Variants in UTP4 observed in about 807,000 individuals in gnomAD.
UTP4 encodes UTP4 small subunit processome component, also known as U3 small nucleolar RNA-associated protein 4 homolog.
In UTP4, 45 loss-of-function variants were observed where a neutral mutation model predicts 82.4. The observed-to-expected ratio is 0.55, with a 90% CI of 0.43 to 0.70. UTP4 has a LOEUF of 0.70. Among genes scored for constraint, UTP4 ranks in the 30% least tolerant of loss-of-function variants. UTP4 has a pLI of 0.00. For missense variants in UTP4, 819 were observed against 858.3 expected (o/e 0.95, Z 0.57); for synonymous variants, 348 against 300.3 (o/e 1.16, Z -1.64).
chr16:69,157,041 G>T (rs768574108), intron 11 of UTP4, 43 bp from the exon 12 acceptor site: 31 of 1,608,496 alleles, frequency 1.9e-5, no homozygotes, highest in Non-Finnish European at 2.6e-5. Flanking sequence ...TGGGCTGTAG[G>T]TCTCCCTTCT....
chr16:69,160,531 G>T, intron 13 of UTP4, 69 bp downstream of exon 13: 1 of 1,113,904 alleles, frequency 9.0e-7, no homozygotes, highest in Non-Finnish European at 1.4e-6. Flanking sequence ...GCAGTTACAA[G>T]ATTCAAGGCA....
chr16:69,137,930 A>G, intron 4 of UTP4, 45 bp downstream of exon 4: 1 of 1,207,612 alleles, frequency 8.3e-7, no homozygotes, highest in Non-Finnish European at 1.2e-6. Flanking sequence ...TTAACAAGAA[A>G]TTAAGTTTCT....
chr16:69,138,573 C>T (rs939560278), intron 4 of UTP4, among the ~76,000 whole-genome samples: 3 of 152,174 alleles, frequency 2.0e-5, no homozygotes, highest in African/African-American at 7.2e-5. Context: ...CTGGTGCATT[C>T]AAGTTGAATG....
intron 5 of UTP4, 113 bp from the exon 6 acceptor site, chr16:69,143,065 C>T: frequency 9.2e-7 from 1 of 1,089,454 alleles, no homozygotes; most frequent in Admixed American, 1.7e-5. Flanking sequence ...ACTTCGTTGC[C>T]TAGGCTGGCC....
intron 6 of UTP4, among the ~76,000 whole-genome samples, chr16:69,148,380 A>G (rs1963176270): frequency 6.6e-6 from 1 of 151,638 alleles, no homozygotes; most frequent in African/African-American, 2.4e-5. Flanking sequence ...TACAGATGTG[A>G]GCCACTGCGC....
chr16:69,136,931 TGC>T, intron 3 of UTP4, 44 bp downstream of exon 3: 1 of 1,537,434 alleles, frequency 6.5e-7, no homozygotes, highest in Non-Finnish European at 9.0e-7. Flanking sequence ...ATTTCTCTCG[TGC>T]CTGCTCAGAC....
intron 15 of UTP4, chr16:69,166,131 C>T (rs1963697357): frequency 1.2e-5 from 2 of 171,866 alleles, no homozygotes; most frequent in Non-Finnish European, 1.3e-5. Flanking sequence ...TGTTTTGATT[C>T]ACCCTGAATT....
chr16:69,138,235 C>CTTT lies in UTP4; in HGVS notation c.436+363_436+365dup, dbSNP rs535515310. On this transcript the variant is annotated intron_variant, in intron 4 of 16. Transcript: ENST00000314423. The stretch of plus-strand genomic sequence containing the variant: ...ATTAGGAACTATGGTTCTTTTCTTT[C>CTTT]TTTTTTTTTTTTTTTCTGGAGGCAG... Among the ~76,000 whole-genome samples, 6 of 139,326 alleles carry CTTT rather than the reference C, an allele frequency of 4.3e-5. 1 individual carries two copies. The highest frequency in any genetic ancestry group is 5.3e-5 in the African/African-American group (2 of 37,768). 91.4% of individuals were successfully genotyped at this position (139,326 alleles called of 152,430 possible).
intron 3 of UTP4, 122 bp downstream of exon 3, chr16:69,137,009 T>C (rs1962830849): frequency 1.2e-6 from 1 of 845,172 alleles, no homozygotes; most frequent in Admixed American, 1.8e-5. Flanking sequence ...AACTATAAGA[T>C]TGGAATTGAT....
At chr16:69,165,729 C>T (rs1247234250) in intron 15 of UTP4, 12 of 650,416 alleles carry the variant, frequency 1.8e-5, no homozygotes, top group Non-Finnish European at 3.0e-5. Flanking sequence ...CTTCGGGAGG[C>T]TCTCGGGGAA....
chr16:69,155,619 G>C (rs1963389909), intron 10 of UTP4, among the ~76,000 whole-genome samples: 1 of 152,156 alleles, frequency 6.6e-6, no homozygotes, highest in South Asian at 2.1e-4. Context: ...TCTAGTATGA[G>C]GCTATCTATG....
At chr16:69,149,209 A>G (rs913765201) in intron 6 of UTP4, among the ~76,000 whole-genome samples, 1 of 151,942 alleles carries the variant, frequency 6.6e-6, no homozygotes, top group Non-Finnish European at 1.5e-5. Flanking sequence ...GTGAAACCCC[A>G]TCTCTACTAA....
rs1199133847 is a variant in UTP4, at chr16:69,136,709, A to G, written c.173A>G (p.His58Arg). ...GTGTTTCTGCAGTTTTTCCCAGGTC[A>G]TGAGTCTCGGGCTACAGAAGCTTTG... Reference protein sequence around the residue: ...NYFQEKFFPGHESRATEALCW... With the variant: ...NYFQEKFFPGRESRATEALCW... Residue 58 changes from histidine (H) to arginine (R), a missense_variant, in exon 3 of 17, where the codon CAT becomes CGT. Physicochemically the swap from His to Arg is conservative, Grantham distance 29. Transcript: ENST00000314423. The G allele has an allele frequency of 1.2e-6, 2 of 1,614,018 alleles. No homozygotes were observed. The highest frequency in any genetic ancestry group is 1.7e-5 in the Admixed American group (1 of 60,018).
At chr16:69,137,908 C>A in intron 4 of UTP4, 23 bp downstream of exon 4, 10 of 1,386,736 alleles carry the variant, frequency 7.2e-6, no homozygotes, top group Non-Finnish European at 1.0e-5. Flanking sequence ...TTTCATGGGG[C>A]GGTAAATAGC....
chr16:69,163,696 A>G (rs892440440), intron 14 of UTP4, among the ~76,000 whole-genome samples: 2 of 151,716 alleles, frequency 1.3e-5, no homozygotes, highest in African/African-American at 4.9e-5. Flanking sequence ...AAAAAAAAAA[A>G]ACCTGGGCTG....
Position 69,137,885 on chromosome 16 carries a change from A to C in UTP4, c.436A>C (p.Ser146Arg). 1 of 1,595,718 alleles carries C rather than the reference A, an allele frequency of 6.3e-7. No individual in the cohort carries two copies. The highest frequency in any genetic ancestry group is 8.6e-7 in the Non-Finnish European group (1 of 1,163,260). ...QFERNFDRQK[S>R]RILSLSWHPS... ...TGAAAGAAATTTTGATCGGCAGAAA[A>C]GTAAGCGTCATTTTTCATGGGGCGG... The change falls in exon 4 of 17, where the codon AGT becomes CGT. Residue 146 changes from serine (S) to arginine (R), a missense_variant and splice_region_variant. Transcript: ENST00000314423.
intron 2 of UTP4, 109 bp from the exon 3 acceptor site, chr16:69,136,587 C>T (rs1962819665): frequency 9.8e-7 from 1 of 1,019,388 alleles, no homozygotes; most frequent in Non-Finnish European, 1.6e-6. Context: ...CACAAAACCC[C>T]ACACTAGTTA....
chr16:69,160,066 C>T (rs745930505), intron 12 of UTP4, among the ~76,000 whole-genome samples: 1 of 151,926 alleles, frequency 6.6e-6, no homozygotes, highest in Non-Finnish European at 1.5e-5. Flanking sequence ...ATTTTAGTGG[C>T]AGATGCTGCC....
chr16:69,160,341 G>A lies in UTP4; in HGVS notation c.1445-15G>A, dbSNP rs769296406. On this transcript the variant is annotated splice_polypyrimidine_tract_variant and intron_variant, in intron 12 of 16. Transcript: ENST00000314423. Reference sequence around the variant, plus strand: ...ACTGTGTGAATTCAGAGATGTAACTGTTTTGTCCTCACAGGAACAGTGGAG... The same window carrying A: ...ACTGTGTGAATTCAGAGATGTAACTATTTTGTCCTCACAGGAACAGTGGAG... 3.1e-6 allele frequency: 5 copies of A among 1,604,868 alleles called. No homozygotes were observed. The Admixed American group carries it at 6.7e-5, about 21-fold the overall frequency.
Sources: allele counts gnomAD v4.1 joint callset (sites outside exome capture counted in the v4.1 genomes callset), GRCh38; gene constraint gnomAD v4.1.1; transcripts MANE v1.5; gene names NCBI Gene and HGNC (gene_info 2026-07-23, HGNC 2026-07-21).